CNTNAP2: variants seen among roughly 807,000 people sequenced by gnomAD.
CNTNAP2 encodes the protein contactin associated protein 2, also known as contactin-associated protein-like 2.
CNTNAP2 carries 98 observed loss-of-function variants against 155.2 expected under a neutral mutation model. That is an observed-to-expected ratio of 0.63 (90% CI 0.54 to 0.75). CNTNAP2 has a LOEUF of 0.75. Ranked by LOEUF, CNTNAP2 falls within the 30% of genes least tolerant of loss-of-function variation. The probability of loss-of-function intolerance (pLI) is 0.00; values close to 1 mark genes in which losing one functional copy is unlikely to be tolerated. For synonymous variants in CNTNAP2, 651 were observed against 631.2 expected, an observed-to-expected ratio of 1.03 and a Z score of -0.47; for missense variants, 1,727 against 1,688.1, an observed-to-expected ratio of 1.02 and a Z score of -0.40.
chr7:148,103,983 G>C (rs891363561), intron 15 of CNTNAP2, among the ~76,000 whole-genome samples: 19 of 151,868 alleles, frequency 1.3e-4, no homozygotes, highest in Non-Finnish European at 1.2e-4. Context: ...ATAGTTCTTT[G>C]GTATTTCAAA....
intron 10 of CNTNAP2, among the ~76,000 whole-genome samples, chr7:147,422,400 TATATATGTAATCTG>T (rs1279220858): frequency 6.6e-6 from 1 of 151,748 alleles, no homozygotes; most frequent in Non-Finnish European, 1.5e-5. Context: ...ATATACATAC[TATATATGTAATCTG>T]ATATATGTGT....
At chr7:146,851,653 TG>T (rs1423829779) in intron 3 of CNTNAP2, among the ~76,000 whole-genome samples, 2 of 15,856 alleles carry the variant, frequency 1.3e-4, no homozygotes, top group Non-Finnish European at 2.8e-4. Flanking sequence ...CTTTCTTCTG[TG>T]TGTGTGTGTG....
intron 13 of CNTNAP2, among the ~76,000 whole-genome samples, chr7:147,895,938 CT>C (rs1272493682): frequency 6.6e-6 from 1 of 152,342 alleles, no homozygotes; most frequent in African/African-American, 2.4e-5. Context: ...TATTGGCATT[CT>C]TTTGCAGTAG....
chr7:146,774,224 G>A (rs763331605), intron 1 of CNTNAP2, 47 bp from the exon 2 acceptor site: 41 of 1,379,548 alleles, frequency 3.0e-5, no homozygotes, highest in Middle Eastern at 1.8e-4. Flanking sequence ...TCGTTATTTC[G>A]AAATCGTTGT....
At chr7:147,385,158 G>A (rs891723115) in intron 9 of CNTNAP2, among the ~76,000 whole-genome samples, 2 of 152,158 alleles carry the variant, frequency 1.3e-5, no homozygotes, top group African/African-American at 4.8e-5. Flanking sequence ...CCATGCCCAA[G>A]ATTCAATTAC....
intron 1 of CNTNAP2, among the ~76,000 whole-genome samples, chr7:146,260,284 A>T (rs995119334): frequency 2.0e-5 from 3 of 152,240 alleles, no homozygotes; most frequent in African/African-American, 7.2e-5. Context: ...GGCAATGCAG[A>T]GGGGAAATGT....
intron 21 of CNTNAP2, among the ~76,000 whole-genome samples, chr7:148,364,033 G>A (rs1213846944): frequency 7.2e-5 from 11 of 152,186 alleles, no homozygotes; most frequent in African/African-American, 1.9e-4. Context: ...GCCGGGCCTT[G>A]GCTGCCTTCC....
intron 13 of CNTNAP2, among the ~76,000 whole-genome samples, chr7:147,702,054 G>GT (rs1584908126): frequency 2.5e-5 from 3 of 121,314 alleles, no homozygotes; most frequent in East Asian, 2.1e-4. Flanking sequence ...CACTTTGGTT[G>GT]GTTTTTTTTT....
chr7:148,394,615 C>T (rs957906456), intron 22 of CNTNAP2, among the ~76,000 whole-genome samples: 10 of 152,174 alleles, frequency 6.6e-5, no homozygotes, highest in East Asian at 1.9e-4. Flanking sequence ...TTACACCATG[C>T]GTGTCTTCTC....
intron 2 of CNTNAP2, among the ~76,000 whole-genome samples, chr7:146,791,500 G>T (rs777439035): frequency 6.6e-6 from 1 of 152,186 alleles, no homozygotes; most frequent in Non-Finnish European, 1.5e-5. Flanking sequence ...TAGGTAGACA[G>T]ACCCAGAGAT....
chr7:147,308,574 T>C (rs1795071333), intron 9 of CNTNAP2, among the ~76,000 whole-genome samples: 1 of 152,194 alleles, frequency 6.6e-6, no homozygotes, highest in African/African-American at 2.4e-5. Context: ...AAAAGGCTCA[T>C]ACCTCCCCTT....
intron 10 of CNTNAP2, among the ~76,000 whole-genome samples, chr7:147,482,514 C>G (rs895830130): frequency 6.6e-6 from 1 of 150,874 alleles, no homozygotes; most frequent in African/African-American, 2.4e-5. Context: ...GTCAGGAGAT[C>G]GAGACCATGC....
At position 146,193,884 on chromosome 7, in the gene CNTNAP2, A is replaced by G. The variant is rs140725557; in HGVS notation, c.97+76911A>G. On this transcript the variant is annotated intron_variant, in intron 1 of 23. Transcript: ENST00000361727. ...ACCTTAGAAATTTCTTCCAATGGAT[A>G]CCCTAAATCATCTCTCTCAAGTTCA... Among the ~76,000 whole-genome samples the G allele has an allele frequency of 4.2e-3, 645 of 152,250 alleles. 3 individuals are homozygous for G. The highest frequency in any genetic ancestry group is 0.015 in the African/African-American group (609 of 41,552).
In CNTNAP2 at chr7:146,466,361, T is replaced by C. The variant is rs17170097; in HGVS notation, c.98-307910T>C. Among the ~76,000 whole-genome samples the C allele has an allele frequency of 3.0e-3, 455 of 152,306 alleles. 2 individuals are homozygous for C. Among genetic ancestry groups the C allele is most frequent in the African/African-American group, 9.8e-3 (408 of 41,566 alleles). ...CTATTAGGAATTCTGTGCTGTTTCG[T>C]AGAACTTCATCTTTCCTATACACAA... is the stretch of plus-strand genomic sequence containing the variant. On this transcript the variant is annotated intron_variant, in intron 1 of 23. Transcript: ENST00000361727.
chr7:146,856,636 A>G (rs751773939), intron 3 of CNTNAP2, among the ~76,000 whole-genome samples: 5 of 152,192 alleles, frequency 3.3e-5, no homozygotes, highest in African/African-American at 9.7e-5. Flanking sequence ...GAAATTAAAC[A>G]TCTTGAGTGG....
At chr7:148,262,332 T>C (rs1796578102) in intron 20 of CNTNAP2, among the ~76,000 whole-genome samples, 1 of 152,214 alleles carries the variant, frequency 6.6e-6, no homozygotes, top group South Asian at 2.1e-4. Context: ...AGGTCTGTTA[T>C]TTTTTAATTT....
chr7:148,364,528 C>A (rs181018130), intron 21 of CNTNAP2, among the ~76,000 whole-genome samples: 2,310 of 152,178 alleles, frequency 0.015, 32 homozygotes, highest in Middle Eastern at 0.027. Context: ...TTTGTAAATA[C>A]ACCAATCAGC....
chr7:148,026,099 A>C (rs990556257), intron 15 of CNTNAP2, among the ~76,000 whole-genome samples: 2 of 152,194 alleles, frequency 1.3e-5, no homozygotes, highest in African/African-American at 2.4e-5. Flanking sequence ...GCAGATTTAC[A>C]TCACTGCCTT....
chr7:147,591,847 A>T (rs1800740025), intron 12 of CNTNAP2, among the ~76,000 whole-genome samples: 1 of 146,342 alleles, frequency 6.8e-6, no homozygotes, highest in East Asian at 1.9e-4. Flanking sequence ...TGTCAGCTAC[A>T]ACAATAGTAA....
Sources: gnomAD v4.1 joint callset for allele counts (sites outside exome capture counted in the v4.1 genomes callset) on GRCh38, gnomAD v4.1.1 for gene constraint, MANE v1.5 for transcripts, NCBI Gene and HGNC (gene_info 2026-07-23, HGNC 2026-07-21) for gene names.